Variants in CSMD2 observed in about 807,000 individuals in gnomAD.
The protein encoded by CSMD2 is CUB and Sushi multiple domains 2.
In CSMD2, 130 loss-of-function variants were observed where a neutral mutation model predicts 398.5. The observed-to-expected ratio is 0.33, with a 90% CI of 0.28 to 0.38. CSMD2 has a LOEUF of 0.38. CSMD2 is among the 10% of genes least tolerant of loss of function. The pLI is 1.00. For missense variants in CSMD2, 3,829 were observed against 4,764.9 expected, an observed-to-expected ratio of 0.80 and a Z score of 5.78; for synonymous variants, 1,828 against 1,908.5, an observed-to-expected ratio of 0.96 and a Z score of 1.10.
intron 1 of CSMD2, among the ~76,000 whole-genome samples, chr1:34,158,835 T>G (rs942502538): frequency 6.6e-6 from 1 of 152,240 alleles, no homozygotes; most frequent in Non-Finnish European, 1.5e-5. Flanking sequence ...GCTTACTTTC[T>G]GAGCCTCAGT....
chr1:33,939,762 C>G (rs1329624541), intron 3 of CSMD2, among the ~76,000 whole-genome samples: 2 of 152,140 alleles, frequency 1.3e-5, no homozygotes, highest in Non-Finnish European at 2.9e-5. Context: ...TCATTTCCAA[C>G]CCCACCTGCT....
At chr1:33,604,750 G>T (rs1415882094) in intron 42 of CSMD2, among the ~76,000 whole-genome samples, 2 of 152,196 alleles carry the variant, frequency 1.3e-5, no homozygotes, top group East Asian at 3.8e-4. Context: ...TAAGGAAGAA[G>T]ACCCAAGAAA....
chr1:33,726,987 C>T (rs898981180), intron 15 of CSMD2, among the ~76,000 whole-genome samples: 4 of 152,124 alleles, frequency 2.6e-5, no homozygotes, highest in Admixed American at 6.5e-5. Context: ...GTTTTTCCTT[C>T]GTTCCTCACT....
At chr1:33,823,906 AT>A (rs1658483540) in intron 7 of CSMD2, among the ~76,000 whole-genome samples, 1 of 152,118 alleles carries the variant, frequency 6.6e-6, no homozygotes, top group Non-Finnish European at 1.5e-5. Flanking sequence ...AGTCGGCTTA[AT>A]GAAAACCCTG....
rs1642744028 is a variant in CSMD2 at position 33,635,505 on chromosome 1, C to T, written c.4970-175G>A. On this transcript the variant is annotated intron_variant, in intron 30 of 70. Transcript: ENST00000373381. This position sits in a 1 kb window ranked among gnomAD's most constrained non-coding sequence, Gnocchi z 5.0. ...CCCTGCCCTGCCCAAGAACGTGCACCCCTGGCCTGGCATGTAGCCTGAAAC... is the reference window on the plus strand; with the variant it reads ...CCCTGCCCTGCCCAAGAACGTGCACTCCTGGCCTGGCATGTAGCCTGAAAC... Among the ~76,000 whole-genome samples the T allele has an allele frequency of 6.6e-6, 1 of 152,218 alleles. No homozygotes were observed. Among genetic ancestry groups the T allele is most frequent in the Non-Finnish European group, 1.5e-5 (1 of 68,028 alleles).
chr1:34,000,934 G>A (rs943668384), intron 3 of CSMD2, among the ~76,000 whole-genome samples: 1 of 151,654 alleles, frequency 6.6e-6, no homozygotes, highest in Non-Finnish European at 1.5e-5. Context: ...AGAGGAGGTA[G>A]AAGGGGAGGT....
At chr1:33,980,920 C>T (rs929991521) in intron 3 of CSMD2, among the ~76,000 whole-genome samples, 3 of 152,076 alleles carry the variant, frequency 2.0e-5, no homozygotes, top group Admixed American at 6.5e-5. Flanking sequence ...GTGCAAAGGT[C>T]AGGTAGTGGG....
chr1:33,889,021 T>C (rs1641801016), intron 5 of CSMD2, among the ~76,000 whole-genome samples: 1 of 152,036 alleles, frequency 6.6e-6, no homozygotes, highest in African/African-American at 2.4e-5. Flanking sequence ...CCGCCCACCT[T>C]AGCCTCCCAA....
chr1:33,542,598 G>C, intron 58 of CSMD2, 122 bp downstream of exon 58: 1 of 816,550 alleles, frequency 1.2e-6, no homozygotes, highest in Non-Finnish European at 1.9e-6. Context: ...TATGATTATC[G>C]TTCAGGTTCA....
At chr1:33,534,227 T>C (rs1337248251) in intron 62 of CSMD2, among the ~76,000 whole-genome samples, 1 of 152,234 alleles carries the variant, frequency 6.6e-6, no homozygotes, top group African/African-American at 2.4e-5. Flanking sequence ...CATGGAACTC[T>C]GTAAACCTTA....
chr1:33,871,809 G>T (rs945290457), intron 5 of CSMD2, among the ~76,000 whole-genome samples: 1 of 152,096 alleles, frequency 6.6e-6, no homozygotes, highest in African/African-American at 2.4e-5. Flanking sequence ...TAGAGATGGG[G>T]TTTCACCGTG....
intron 5 of CSMD2, among the ~76,000 whole-genome samples, chr1:33,868,406 T>A (rs1256561462): frequency 6.6e-6 from 1 of 152,130 alleles, no homozygotes; most frequent in Non-Finnish European, 1.5e-5. Flanking sequence ...AGGTTCCTCA[T>A]CTCTCACGTT....
intron 32 of CSMD2, among the ~76,000 whole-genome samples, chr1:33,628,417 C>G (rs1642257172): frequency 6.6e-6 from 1 of 152,000 alleles, no homozygotes; most frequent in African/African-American, 2.4e-5. Context: ...ATCTGTGATC[C>G]CAACACTTTG....
rs746915901 is a variant in CSMD2 at position 33,546,169 on chromosome 1, G to A, written c.8968C>T (p.Arg2990Cys). 3 of 1,614,170 alleles carry A rather than the reference G, an allele frequency of 1.9e-6. No individual in the cohort carries two copies. Among genetic ancestry groups the A allele is most frequent in the East Asian group, 2.2e-5 (1 of 44,880 alleles). The change falls in exon 57 of 71, where the codon CGT becomes TGT. Residue 2990 changes from arginine (R) to cysteine (C), a missense_variant. Physicochemically the swap from Arg to Cys is radical, Grantham distance 180. Transcript: ENST00000373381. Reference protein sequence around the residue: ...GDPGIPAHGIRLGDSFDPGTV... With the variant: ...GDPGIPAHGICLGDSFDPGTV... Reference sequence around the variant, plus strand: ...CCTGGATCAAAGCTGTCCCCCAAACGGATGCCATGAGCCGGGATCCCAGGG... The same window carrying A: ...CCTGGATCAAAGCTGTCCCCCAAACAGATGCCATGAGCCGGGATCCCAGGG...
At position 33,995,041 on chromosome 1, in the gene CSMD2, C is replaced by A. The variant is rs375382583; in HGVS notation, c.517+37553G>T. Among the ~76,000 whole-genome samples, 7 of 147,758 alleles carry A rather than the reference C, an allele frequency of 4.7e-5. No homozygotes were observed. In the East Asian group the frequency reaches 1.2e-3, roughly 25 times the overall value. On this transcript the variant is annotated intron_variant, in intron 3 of 70. Transcript: ENST00000373381. ...ATCGCCCCACCGCACTCCAGCCTGGCGACAGAGCAAGACTCCGTCTCAAAA... is the reference window on the plus strand; with the variant it reads ...ATCGCCCCACCGCACTCCAGCCTGGAGACAGAGCAAGACTCCGTCTCAAAA...
intron 6 of CSMD2, among the ~76,000 whole-genome samples, chr1:33,833,557 C>A (rs1659864087): frequency 1.4e-5 from 2 of 145,250 alleles, no homozygotes; most frequent in Non-Finnish European, 3.0e-5. Flanking sequence ...ACTGAATGGG[C>A]AAAAACTGGA....
intron 19 of CSMD2, among the ~76,000 whole-genome samples, chr1:33,722,682 G>A (rs897404619): frequency 2.3e-5 from 3 of 128,980 alleles, no homozygotes; most frequent in Non-Finnish European, 3.2e-5. Flanking sequence ...CACATGTTGC[G>A]ATTTTTTTTT....
At chr1:34,093,197 C>A (rs1004481328) in intron 1 of CSMD2, among the ~76,000 whole-genome samples, 1 of 152,136 alleles carries the variant, frequency 6.6e-6, no homozygotes, top group African/African-American at 2.4e-5. Flanking sequence ...AGCTGAGGAT[C>A]CTGTCTGTTA....
At position 33,692,902 on chromosome 1, in the gene CSMD2, T is replaced by C. The variant is rs768935557; in HGVS notation, c.4052+28A>G. The C allele has an allele frequency of 7.2e-5, 115 of 1,606,058 alleles. 2 individuals are homozygous for C. In the South Asian group the frequency reaches 1.1e-3, roughly 15 times the overall value. On this transcript the variant is annotated intron_variant, in intron 25 of 70. Transcript: ENST00000373381. ...GATGGCTCCCCTGAACAACTGGCGA[T>C]AGTTACTTTGTCAGCCCTGACACTT... is the stretch of plus-strand genomic sequence containing the variant.
Sources: gnomAD v4.1 joint callset for allele counts (sites outside exome capture counted in the v4.1 genomes callset) on GRCh38, gnomAD v4.1.1 for gene constraint, Gnocchi (gnomAD v3.1) non-coding constraint, MANE v1.5 for transcripts, NCBI Gene and HGNC (gene_info 2026-07-23, HGNC 2026-07-21) for gene names.